Variants in TMEM63B observed in about 807,000 individuals in gnomAD.
TMEM63B encodes mechanosensitive cation channel TMEM63B.
Under a neutral mutation model 102.6 loss-of-function variants are expected in TMEM63B, and 23 were observed. That is an observed-to-expected ratio of 0.22 (90% confidence interval 0.16 to 0.32). The LOEUF (loss-of-function observed/expected upper bound fraction) is 0.32. Among genes scored for constraint, TMEM63B ranks in the 10% least tolerant of loss-of-function variants. TMEM63B has a pLI of 1.00. For synonymous variants in TMEM63B, 444 were observed against 437.0 expected (o/e 1.02, Z -0.20); for missense variants, 628 against 1,095.9 (o/e 0.57, Z 6.03).
intron 5 of TMEM63B, 65 bp from the exon 6 acceptor site, chr6:44,138,415 G>C: frequency 1.2e-6 from 2 of 1,603,754 alleles, no homozygotes; most frequent in Non-Finnish European, 1.7e-6. Flanking sequence ...GGTGGGACTT[G>C]AGGGAGGAGA....
Position 44,134,763 on chromosome 6 carries a change from C to G in TMEM63B, c.159+20C>G. On this transcript the variant is annotated intron_variant, in intron 2 of 23. Transcript: ENST00000323267. ...TTCCTTGTAAGTGCCTGCTGCCACC[C>G]CTTACCTTGGCATCCATGCCCTGTA... is the stretch of plus-strand genomic sequence containing the variant. 1.9e-6 allele frequency: 3 copies of G among 1,608,070 alleles called. No individual in the cohort carries two copies. Among genetic ancestry groups the G allele is most frequent in the Non-Finnish European group, 2.6e-6 (3 of 1,176,380 alleles).
intron 18 of TMEM63B, 83 bp from the exon 19 acceptor site, chr6:44,151,763 G>T (rs913083744): frequency 1.4e-6 from 2 of 1,466,840 alleles, no homozygotes; most frequent in African/African-American, 2.8e-5. Context: ...TGGTGGAGGT[G>T]TTGGGTGCTG....
At chr6:44,139,825 A>G in intron 8 of TMEM63B, 66 bp downstream of exon 8, 1 of 1,599,662 alleles carries the variant, frequency 6.3e-7, no homozygotes, top group Non-Finnish European at 8.6e-7. Flanking sequence ...GATGTGGGAC[A>G]GGGAGGAAAG....
At chr6:44,134,501 C>T in intron 1 of TMEM63B, 60 bp from the exon 2 acceptor site, 1 of 1,534,590 alleles carries the variant, frequency 6.5e-7, no homozygotes. Context: ...CCACGCCCAC[C>T]CTACTGGGCC....
At chr6:44,130,446 CT>C (rs879386148) in intron 1 of TMEM63B, among the ~76,000 whole-genome samples, 90 of 145,016 alleles carry the variant, frequency 6.2e-4, no homozygotes, top group Admixed American at 9.0e-4. Context: ...TTTTTCTTTC[CT>C]TTTTTTTTTT....
chr6:44,150,341 G>C lies in TMEM63B; in HGVS notation c.1607+31G>C. 6.3e-7 allele frequency: 1 copy of C among 1,599,548 alleles called. No individual in the cohort carries two copies. The highest frequency in any genetic ancestry group is 8.6e-7 in the Non-Finnish European group (1 of 1,166,928). ...TTGAGAAGGATGGGGCAGGAGCCAG[G>C]GTAGGGGGACAGCAGGATAGGGAGA... On this transcript the variant is annotated intron_variant, in intron 17 of 23. Coordinates refer to ENST00000323267, the MANE Select transcript of TMEM63B (RefSeq NM_018426.3). The surrounding 1 kb of genome is among the most constrained non-coding windows in gnomAD (Gnocchi z 4.7).
chr6:44,148,439 C>T lies in TMEM63B; in HGVS notation c.1121+54C>T. 6.2e-7 allele frequency: 1 copy of T among 1,613,248 alleles called. No individual in the cohort carries two copies. The highest frequency in any genetic ancestry group is 1.3e-5 in the African/African-American group (1 of 75,048). Reference sequence around the variant, plus strand: ...GAGCAGCCCTCCAGGGCTCCCTGACCCCTGTGCTCATGGCCTTCTGCCAGC... The same window carrying T: ...GAGCAGCCCTCCAGGGCTCCCTGACTCCTGTGCTCATGGCCTTCTGCCAGC... On this transcript the variant is annotated intron_variant, in intron 13 of 23. Coordinates refer to ENST00000323267, the MANE Select transcript of TMEM63B (RefSeq NM_018426.3). This position sits in a 1 kb window ranked among gnomAD's most constrained non-coding sequence, Gnocchi z 5.1.
chr6:44,130,551 C>T (rs1279191706), intron 1 of TMEM63B, among the ~76,000 whole-genome samples: 2 of 149,966 alleles, frequency 1.3e-5, no homozygotes, highest in African/African-American at 4.9e-5. Flanking sequence ...GTGATCTTCG[C>T]ACCTCAGCTT....
chr6:44,153,553 G>C (rs1767280833), intron 20 of TMEM63B, 123 bp from the exon 21 acceptor site: 1 of 1,166,566 alleles, frequency 8.6e-7, no homozygotes, highest in Non-Finnish European at 1.2e-6. Flanking sequence ...TCCCGTCCTG[G>C]GGCCCGGGCA....
chr6:44,127,692 C>T lies in TMEM63B; in HGVS notation c.-25+14C>T, dbSNP rs1187752799. ...CTGCGCCTGGGGGTGAGTACGCGAC[C>T]CCTACCCAGCCCTCGCTCTTTTCTT... On this transcript the variant is annotated intron_variant, in intron 1 of 23. Transcript: ENST00000323267. The T allele has an allele frequency of 2.6e-5, 4 of 151,190 alleles. No homozygotes were observed. The East Asian group carries it at 5.9e-4, about 22-fold the overall frequency. 9.4% of individuals were successfully genotyped at this position (151,190 alleles called of 1,614,324 possible).
intron 1 of TMEM63B, among the ~76,000 whole-genome samples, chr6:44,128,471 C>G (rs1295427438): frequency 6.6e-6 from 1 of 152,238 alleles, no homozygotes; most frequent in Non-Finnish European, 1.5e-5. Flanking sequence ...CCGCCTAAGG[C>G]GGACAGTCCC....
intron 1 of TMEM63B, among the ~76,000 whole-genome samples, chr6:44,128,907 G>A (rs948822417): frequency 7.9e-5 from 12 of 152,212 alleles, no homozygotes; most frequent in African/African-American, 2.9e-4. Context: ...CTTGGCCTGT[G>A]GGTGGATGGG....
chr6:44,150,778 G>A lies in TMEM63B; in HGVS notation c.1673+149G>A. On this transcript the variant is annotated intron_variant, in intron 18 of 23. Coordinates refer to ENST00000323267, the MANE Select transcript of TMEM63B (RefSeq NM_018426.3). This position sits in a 1 kb window ranked among gnomAD's most constrained non-coding sequence, Gnocchi z 4.7. The stretch of plus-strand genomic sequence containing the variant: ...AGGATCTGGCGGGGTTACCCCAAAG[G>A]CACCCACAAGGTGTCTTGGGTGTGT... 3 of 791,438 alleles carry A rather than the reference G, an allele frequency of 3.8e-6. No homozygotes were observed. The highest frequency in any genetic ancestry group is 6.3e-6 in the Non-Finnish European group (3 of 478,738). The allele number at this position is 791,438 out of a possible 1,614,324, so 49.0% of individuals were successfully genotyped here. A position where few individuals can be genotyped will look rare whatever the true frequency, so the allele number is the denominator to read the frequency against.
chr6:44,127,801 G>C (rs1183622390), intron 1 of TMEM63B, 123 bp downstream of exon 1: 3 of 151,500 alleles, frequency 2.0e-5, no homozygotes, highest in Non-Finnish European at 4.4e-5. Flanking sequence ...ACCCAGAGGT[G>C]CCCGGGCCCG....
chr6:44,148,219 A>T lies in TMEM63B; in HGVS notation c.988-33A>T. ...CTGCAGGCCCCAGCCTGGCTTTCCA[A>T]CTAGAGGCCCTGTCCCTAACCCTCC... is the stretch of plus-strand genomic sequence containing the variant. On this transcript the variant is annotated intron_variant, in intron 12 of 23. Coordinates refer to ENST00000323267, the MANE Select transcript of TMEM63B (RefSeq NM_018426.3). This position sits in a 1 kb window ranked among gnomAD's most constrained non-coding sequence, Gnocchi z 5.1. 6.2e-7 allele frequency: 1 copy of T among 1,611,392 alleles called. No individual in the cohort carries two copies. Among genetic ancestry groups the T allele is most frequent in the Non-Finnish European group, 8.5e-7 (1 of 1,178,042 alleles).
chr6:44,128,698 A>G (rs1007361051), intron 1 of TMEM63B, among the ~76,000 whole-genome samples: 5 of 152,232 alleles, frequency 3.3e-5, no homozygotes, highest in Non-Finnish European at 5.9e-5. Flanking sequence ...GGGAGCAATG[A>G]GGCTGTGCCC....
At chr6:44,139,941 G>A (rs1304092282) in intron 8 of TMEM63B, among the ~76,000 whole-genome samples, 182 bp downstream of exon 8, 1 of 152,178 alleles carries the variant, frequency 6.6e-6, no homozygotes, top group African/African-American at 2.4e-5. Flanking sequence ...CCCCAAGGAT[G>A]AAGAGGATAC....
intron 10 of TMEM63B, among the ~76,000 whole-genome samples, chr6:44,146,459 C>CT (rs199983570): frequency 0.046 from 6,590 of 143,268 alleles, 241 homozygotes; most frequent in East Asian, 0.13. Context: ...GTTTTTTTGT[C>CT]TTTTTTTTTG....
Position 44,155,130 on chromosome 6 carries a change from A to G in TMEM63B, c.*247A>G. ...AGGGGTGCAGAGGGAGTTCCCCCAGATCAGTACCCCCCACCCCTCCCCAGC... is the reference window on the plus strand; with the variant it reads ...AGGGGTGCAGAGGGAGTTCCCCCAGGTCAGTACCCCCCACCCCTCCCCAGC... On this transcript the variant is annotated 3_prime_UTR_variant, in exon 24 of 24. Coordinates refer to ENST00000323267, the MANE Select transcript of TMEM63B (RefSeq NM_018426.3). The G allele has an allele frequency of 3.0e-6, 1 of 335,962 alleles. No individual in the cohort carries two copies. Among genetic ancestry groups the G allele is most frequent in the Non-Finnish European group, 5.4e-6 (1 of 184,720 alleles). The allele number at this position is 335,962 out of a possible 1,614,324, so 20.8% of individuals were successfully genotyped here. A position where few individuals can be genotyped will look rare whatever the true frequency, so the allele number is the denominator to read the frequency against.
Sources: gnomAD v4.1 joint callset for allele counts (sites outside exome capture counted in the v4.1 genomes callset) on GRCh38, gnomAD v4.1.1 for gene constraint, Gnocchi (gnomAD v3.1) non-coding constraint, MANE v1.5 for transcripts, NCBI Gene and HGNC (gene_info 2026-07-23, HGNC 2026-07-21) for gene names.